CTNNA2: variants seen among roughly 807,000 people sequenced by gnomAD.
The protein encoded by CTNNA2 is catenin alpha-2.
CTNNA2 carries 42 observed loss-of-function variants against 101.0 expected under a neutral mutation model. The ratio of observed to expected loss-of-function variants is 0.42; its 90% confidence interval spans 0.32 to 0.54. CTNNA2 has a LOEUF of 0.54. Among genes scored for constraint, CTNNA2 ranks in the 20% least tolerant of loss-of-function variants. CTNNA2 has a pLI of 0.14. For synonymous variants in CTNNA2, 450 were observed against 456.4 expected (o/e 0.99, Z 0.18); for missense variants, 871 against 1,223.1 (o/e 0.71, Z 4.29).
chr2:80,559,100 C>G (rs530673414), intron 12 of CTNNA2, among the ~76,000 whole-genome samples: 1 of 152,204 alleles, frequency 6.6e-6, no homozygotes, highest in South Asian at 2.1e-4. Flanking sequence ...GCCAGATATC[C>G]TTGAAGGAAG....
intron 3 of CTNNA2, among the ~76,000 whole-genome samples, chr2:79,823,739 G>A: frequency 6.6e-6 from 1 of 152,084 alleles, no homozygotes; most frequent in East Asian, 1.9e-4. Flanking sequence ...ATACTGAAAT[G>A]CAGCTATATA....
intron 7 of CTNNA2, among the ~76,000 whole-genome samples, chr2:80,112,204 A>G (rs1247435554): frequency 1.3e-5 from 2 of 152,242 alleles, no homozygotes; most frequent in Non-Finnish European, 2.9e-5. Context: ...GCCTTGGGGC[A>G]GAGATTTGTT....
At chr2:79,452,393 C>T (rs1377451711) in intron 4 of CTNNA2, among the ~76,000 whole-genome samples, 2 of 151,774 alleles carry the variant, frequency 1.3e-5, no homozygotes, top group Non-Finnish European at 2.9e-5. Flanking sequence ...AAAGAAATGC[C>T]ACAGATGAAA....
At chr2:80,391,092 ACTGT>A (rs1295422123) in intron 7 of CTNNA2, among the ~76,000 whole-genome samples, 4 of 151,156 alleles carry the variant, frequency 2.6e-5, no homozygotes, top group African/African-American at 9.8e-5. Flanking sequence ...AGATTGCGCC[ACTGT>A]GCTCCAGCCT....
chr2:79,302,665 T>TCAA (rs1676140575), intron 2 of CTNNA2, among the ~76,000 whole-genome samples: 1 of 152,220 alleles, frequency 6.6e-6, no homozygotes, highest in African/African-American at 2.4e-5. Context: ...TCAAGTACCA[T>TCAA]GCAAATTAGA....
chr2:79,243,070 A>G (rs906736036), intron 2 of CTNNA2, among the ~76,000 whole-genome samples: 1 of 151,346 alleles, frequency 6.6e-6, no homozygotes, highest in Non-Finnish European at 1.5e-5. Context: ...AAATATTATT[A>G]TGCCTTCTTT....
chr2:80,030,061 T>A (rs1037251189), intron 7 of CTNNA2, among the ~76,000 whole-genome samples: 1 of 151,926 alleles, frequency 6.6e-6, no homozygotes, highest in Non-Finnish European at 1.5e-5. Flanking sequence ...AAACACAAGC[T>A]GAAAACAGCA....
chr2:80,222,989 G>T (rs1708656475), intron 7 of CTNNA2, among the ~76,000 whole-genome samples: 1 of 152,078 alleles, frequency 6.6e-6, no homozygotes, highest in Non-Finnish European at 1.5e-5. Context: ...GTTTTGCTTG[G>T]ATAGGATTTG....
intron 7 of CTNNA2, among the ~76,000 whole-genome samples, chr2:80,087,754 C>T (rs780357446): frequency 5.3e-5 from 8 of 152,132 alleles, no homozygotes; most frequent in Middle Eastern, 3.4e-3. Flanking sequence ...TAACAAGCTC[C>T]AAGGTGATGC....
At chr2:80,374,970 T>C (rs941622163) in intron 7 of CTNNA2, among the ~76,000 whole-genome samples, 2 of 151,976 alleles carry the variant, frequency 1.3e-5, no homozygotes, top group African/African-American at 4.8e-5. Flanking sequence ...TGGAATGATA[T>C]ATCGTTTGAA....
chr2:79,790,009 TA>T (rs1454071975), intron 3 of CTNNA2, among the ~76,000 whole-genome samples: 3 of 151,850 alleles, frequency 2.0e-5, no homozygotes, highest in Non-Finnish European at 4.4e-5. Flanking sequence ...ATCATATGAA[TA>T]AAGAAAAAGG....
chr2:79,614,022 G>A (rs1678461070), intron 1 of CTNNA2, among the ~76,000 whole-genome samples: 1 of 152,206 alleles, frequency 6.6e-6, no homozygotes, highest in South Asian at 2.1e-4. Flanking sequence ...TCCACAGCCT[G>A]TGCTCCTTAT....
At chr2:79,907,332 TAC>T (rs775605770) in intron 6 of CTNNA2, among the ~76,000 whole-genome samples, 72 of 147,338 alleles carry the variant, frequency 4.9e-4, no homozygotes, top group East Asian at 9.7e-4. Context: ...ATTATATATA[TAC>T]ACACACACAC....
At position 80,647,946 on chromosome 2, in the gene CTNNA2, T is replaced by C; in HGVS notation, c.*74T>C. ...TTTTCTTTTTAATTCCATTTTTGTA[T>C]GCATACCTGCCAGCTCGTATGCCTC... is the stretch of plus-strand genomic sequence containing the variant. On this transcript the variant is annotated 3_prime_UTR_variant, in exon 19 of 19. Coordinates refer to ENST00000402739, the MANE Select transcript of CTNNA2 (RefSeq NM_001282597.3). 2.1e-6 allele frequency: 3 copies of C among 1,413,118 alleles called. No homozygotes were observed. Among genetic ancestry groups the C allele is most frequent in the Non-Finnish European group, 2.9e-6 (3 of 1,046,670 alleles). The allele number at this position is 1,413,118 out of a possible 1,614,324, so 87.5% of individuals were successfully genotyped here.
intron 4 of CTNNA2, among the ~76,000 whole-genome samples, chr2:79,504,417 G>A (rs1671367998): frequency 6.6e-6 from 1 of 152,058 alleles, no homozygotes; most frequent in Non-Finnish European, 1.5e-5. Flanking sequence ...AGCTTCCCAA[G>A]TAGCTGGGAC....
At chr2:79,579,705 C>A (rs1676029115) in intron 1 of CTNNA2, among the ~76,000 whole-genome samples, 1 of 152,136 alleles carries the variant, frequency 6.6e-6, no homozygotes, top group Non-Finnish European at 1.5e-5. Flanking sequence ...ACCTCCTCCT[C>A]CTGGGTTCAA....
In CTNNA2 at chr2:80,023,167, C is replaced by T. The variant is rs181988260; in HGVS notation, c.1056+113370C>T. Among the ~76,000 whole-genome samples, 397 of 152,296 alleles carry T rather than the reference C, an allele frequency of 2.6e-3. 2 individuals carry two copies. The highest frequency in any genetic ancestry group is 9.2e-3 in the African/African-American group (383 of 41,548). On this transcript the variant is annotated intron_variant, in intron 7 of 18. Coordinates refer to ENST00000402739, the MANE Select transcript of CTNNA2 (RefSeq NM_001282597.3). ...AAAAATTACCCTAAACTGGTACTTT[C>T]CCAAATGTAATCTAGTTTAGCATTT...
rs188001621 is a variant in CTNNA2, at chr2:79,998,635, G to A, written c.1056+88838G>A. On this transcript the variant is annotated intron_variant, in intron 7 of 18. Coordinates refer to ENST00000402739, the MANE Select transcript of CTNNA2 (RefSeq NM_001282597.3). ...CCTTCCCAAACTTTAAAATTATGCA[G>A]TGTTTTCAAAAAGATAGCCATTGCA... is the stretch of plus-strand genomic sequence containing the variant. Among the ~76,000 whole-genome samples the A allele has an allele frequency of 1.2e-3, 186 of 152,216 alleles. 1 individual carries two copies. Among genetic ancestry groups the A allele is most frequent in the African/African-American group, 4.3e-3 (180 of 41,552 alleles).
chr2:80,639,380 T>C (rs1407236938), intron 18 of CTNNA2, among the ~76,000 whole-genome samples: 1 of 152,048 alleles, frequency 6.6e-6, no homozygotes, highest in Non-Finnish European at 1.5e-5. Flanking sequence ...AGGCTAATTT[T>C]TGTATTTTTG....
Sources: allele counts gnomAD v4.1 joint callset (sites outside exome capture counted in the v4.1 genomes callset), GRCh38; gene constraint gnomAD v4.1.1; transcripts MANE v1.5; gene names NCBI Gene and HGNC (gene_info 2026-07-23, HGNC 2026-07-21).